Variants in PEMT observed in about 807,000 individuals in gnomAD.
The protein encoded by PEMT is phosphatidylethanolamine N-methyltransferase.
A neutral mutation model predicts 27.4 loss-of-function variants in PEMT; 23 were observed. The ratio of observed to expected loss-of-function variants is 0.84; its 90% CI spans 0.60 to 1.19. PEMT has a LOEUF of 1.19. Ranked by LOEUF, PEMT falls within the 50% of genes most tolerant of loss-of-function variation. The pLI is 0.00. For missense variants in PEMT, 307 were observed against 310.1 expected, an observed-to-expected ratio of 0.99 and a Z score of 0.07; for synonymous variants, 137 against 139.1, an observed-to-expected ratio of 0.98 and a Z score of 0.11.
In PEMT at chr17:17,512,459, T is replaced by G; in HGVS notation, c.466+50A>C. ...GCAGCCACCTGGCCCTGCACCTCCCTGGGGCTCCAGCGGTCCTGCTCAGGG... is the reference window on the plus strand; with the variant it reads ...GCAGCCACCTGGCCCTGCACCTCCCGGGGGCTCCAGCGGTCCTGCTCAGGG... On this transcript the variant is annotated intron_variant, in intron 4 of 6. Transcript: ENST00000255389. The surrounding 1 kb of genome is among the most constrained non-coding windows in gnomAD (Gnocchi z 6.3). 1 of 1,454,492 alleles carries G rather than the reference T, an allele frequency of 6.9e-7. No homozygotes were observed. The highest frequency in any genetic ancestry group is 9.2e-7 in the Non-Finnish European group (1 of 1,091,660). 90.1% of individuals were successfully genotyped at this position (1,454,492 alleles called of 1,614,324 possible). A position where few individuals can be genotyped will look rare whatever the true frequency, so the allele number is the denominator to read the frequency against.
intron 3 of PEMT, among the ~76,000 whole-genome samples, chr17:17,521,901 C>T (rs1468712522): frequency 6.6e-6 from 1 of 152,174 alleles, no homozygotes. Context: ...TCAAACCTAA[C>T]CTGGAGAGAT....
chr17:17,536,158 C>T (rs1908456431), intron 2 of PEMT, among the ~76,000 whole-genome samples: 1 of 152,254 alleles, frequency 6.6e-6, no homozygotes, highest in East Asian at 1.9e-4. Context: ...GCCTGCTGCA[C>T]ACCAGGCGCT....
chr17:17,552,474 C>T (rs1417052464), intron 2 of PEMT, among the ~76,000 whole-genome samples: 4 of 152,338 alleles, frequency 2.6e-5, no homozygotes, highest in Non-Finnish European at 4.4e-5. Context: ...ATCCCTGACC[C>T]GGTGCTGATC....
chr17:17,551,842 C>G (rs1051028501), intron 2 of PEMT, among the ~76,000 whole-genome samples: 1 of 152,200 alleles, frequency 6.6e-6, no homozygotes, highest in African/African-American at 2.4e-5. Context: ...GGCAGGGAAC[C>G]TACCTGAGAC....
Position 17,582,934 on chromosome 17 carries a change from C to T in PEMT, c.97-5907G>A, listed in dbSNP as rs1376593094. Among the ~76,000 whole-genome samples the T allele has an allele frequency of 6.6e-6, 1 of 151,978 alleles. No homozygotes were observed. The highest frequency in any genetic ancestry group is 2.4e-5 in the African/African-American group (1 of 41,362). On this transcript the variant is annotated intron_variant, in intron 1 of 6. Coordinates refer to ENST00000255389, the MANE Select transcript of PEMT (RefSeq NM_148172.3). The surrounding 1 kb of genome is among the most constrained non-coding windows in gnomAD (Gnocchi z 4.9). ...AAAATTAGCTGGACATGGTGGTGCACGACTGTAGTCCCAGCTACTGGGGAG... is the reference window on the plus strand; with the variant it reads ...AAAATTAGCTGGACATGGTGGTGCATGACTGTAGTCCCAGCTACTGGGGAG...
At chr17:17,559,141 G>A (rs1479247576) in intron 2 of PEMT, among the ~76,000 whole-genome samples, 2 of 152,112 alleles carry the variant, frequency 1.3e-5, no homozygotes, top group Non-Finnish European at 2.9e-5. Flanking sequence ...GGTATGACCC[G>A]CCGGGGCTGC....
chr17:17,532,204 T>G (rs1490013636), intron 2 of PEMT, among the ~76,000 whole-genome samples: 1 of 152,162 alleles, frequency 6.6e-6, no homozygotes, highest in Non-Finnish European at 1.5e-5. Context: ...CCAGGGCAAT[T>G]GGACAAGAAA....
At position 17,545,021 on chromosome 17, in the gene PEMT, C is replaced by A. The variant is rs535722364; in HGVS notation, c.205-22626G>T. Among the ~76,000 whole-genome samples the A allele has an allele frequency of 1.9e-3, 288 of 152,324 alleles. 3 individuals are homozygous for A. Among genetic ancestry groups the A allele is most frequent in the South Asian group, 6.4e-3 (31 of 4,822 alleles). ...GGCCCGGGTTAACTTGGACAAGGCACTTCCTGTTCCAAAGGGCCACTCAGC... is the reference window on the plus strand; with the variant it reads ...GGCCCGGGTTAACTTGGACAAGGCAATTCCTGTTCCAAAGGGCCACTCAGC... On this transcript the variant is annotated intron_variant, in intron 2 of 6. Coordinates refer to ENST00000255389, the MANE Select transcript of PEMT (RefSeq NM_148172.3).
At position 17,559,839 on chromosome 17, in the gene PEMT, C is replaced by T. The variant is rs574444745; in HGVS notation, c.204+17081G>A. 3.3e-5 allele frequency among the ~76,000 whole-genome samples: 5 copies of T among 152,352 alleles called. No homozygotes were observed. In the South Asian group the frequency reaches 6.2e-4, roughly 19 times the overall value. Reference sequence around the variant, plus strand: ...TGGTTCAGAGCAGTGAAACGGCAAGCCCAGGCCAATCAGTGGTGTGACTGG... The same window carrying T: ...TGGTTCAGAGCAGTGAAACGGCAAGTCCAGGCCAATCAGTGGTGTGACTGG... On this transcript the variant is annotated intron_variant, in intron 2 of 6. Transcript: ENST00000255389.
intron 2 of PEMT, among the ~76,000 whole-genome samples, chr17:17,536,435 C>T (rs557088380): frequency 2.6e-4 from 40 of 152,334 alleles, no homozygotes; most frequent in African/African-American, 9.1e-4. Flanking sequence ...TTGGCTTCAC[C>T]CAACAAGCTC....
At chr17:17,566,658 G>A (rs763454131) in intron 2 of PEMT, among the ~76,000 whole-genome samples, 3 of 152,250 alleles carry the variant, frequency 2.0e-5, no homozygotes, top group Non-Finnish European at 4.4e-5. Context: ...GCGAAGGGGA[G>A]GAAGCAGAAA....
intron 3 of PEMT, among the ~76,000 whole-genome samples, chr17:17,516,855 T>C (rs529964080): frequency 6.6e-6 from 1 of 151,822 alleles, no homozygotes; most frequent in Admixed American, 6.6e-5. Context: ...CCCCTTACTC[T>C]CCAGCTGCCC....
At chr17:17,580,333 C>T (rs1275329412) in intron 1 of PEMT, among the ~76,000 whole-genome samples, 1 of 152,004 alleles carries the variant, frequency 6.6e-6, no homozygotes, top group Non-Finnish European at 1.5e-5. Context: ...AAAAATTAGC[C>T]AGGCATGGTG....
intron 2 of PEMT, among the ~76,000 whole-genome samples, chr17:17,565,802 G>A (rs757130775): frequency 6.6e-6 from 1 of 152,280 alleles, no homozygotes; most frequent in Non-Finnish European, 1.5e-5. Flanking sequence ...GAGGCCATGA[G>A]AATTTTCTAG....
chr17:17,576,504 A>G (rs1258144339), intron 2 of PEMT, among the ~76,000 whole-genome samples: 1 of 152,186 alleles, frequency 6.6e-6, no homozygotes, highest in Non-Finnish European at 1.5e-5. Flanking sequence ...GAGGGGTGGG[A>G]GATTCACAAG....
At chr17:17,563,745 T>C (rs1910646075) in intron 2 of PEMT, among the ~76,000 whole-genome samples, 1 of 152,198 alleles carries the variant, frequency 6.6e-6, no homozygotes, top group Non-Finnish European at 1.5e-5. Context: ...AGGGACGCTA[T>C]GCTCATCTTA....
intron 3 of PEMT, among the ~76,000 whole-genome samples, chr17:17,517,798 C>T (rs1026846912): frequency 4.6e-5 from 7 of 152,150 alleles, no homozygotes; most frequent in East Asian, 3.8e-4. Flanking sequence ...GAGTGGGGGC[C>T]GCCCTCTCCT....
chr17:17,559,748 AG>A (rs1910338033), intron 2 of PEMT, among the ~76,000 whole-genome samples: 1 of 152,228 alleles, frequency 6.6e-6, no homozygotes, highest in South Asian at 2.1e-4. Flanking sequence ...TGGCAACAGA[AG>A]TGTGGGGGCA....
chr17:17,570,885 T>G (rs930680473), intron 2 of PEMT: 1 of 984,694 alleles, frequency 1.0e-6, no homozygotes. Context: ...GAAGAGGGAG[T>G]CCATCCTGGT....
Sources: allele counts gnomAD v4.1 joint callset (sites outside exome capture counted in the v4.1 genomes callset), GRCh38; gene constraint gnomAD v4.1.1; non-coding constraint Gnocchi (gnomAD v3.1); transcripts MANE v1.5; gene names NCBI Gene and HGNC (gene_info 2026-07-23, HGNC 2026-07-21).